The following GPC4 variants were observed in gnomAD, a reference collection of about 807,000 sequenced individuals.
GPC4 encodes the protein glypican 4.
In GPC4, 10 loss-of-function variants were observed where a neutral mutation model predicts 35.0. The ratio of observed to expected loss-of-function variants is 0.29; its 90% CI spans 0.18 to 0.48. The LOEUF is 0.48. GPC4 is among the 20% of genes least tolerant of loss of function. The pLI, the probability that GPC4 is intolerant of heterozygous loss-of-function variation, is 0.99. For synonymous variants in GPC4, 167 were observed against 170.2 expected, an observed-to-expected ratio of 0.98 and a Z score of 0.15; for missense variants, 322 against 451.3, an observed-to-expected ratio of 0.71 and a Z score of 2.60.
Position 133,311,260 on chromosome X carries a change from A to G in GPC4, c.875T>C (p.Ile292Thr). 1.7e-6 allele frequency: 2 copies of G among 1,210,680 alleles called. No individual in the cohort carries two copies. Among genetic ancestry groups the G allele is most frequent in the Non-Finnish European group, 2.2e-6 (2 of 894,780 alleles). The change falls in exon 4 of 9, where the codon ATA (isoleucine) becomes ACA (threonine). Residue 292 changes from isoleucine to threonine, a missense_variant and splice_region_variant. By Grantham distance (89) the Ile-to-Thr change is moderately conservative (BLOSUM62 -1). Around this residue, in one of 3 missense-constraint regions of GPC4, gnomAD observed 163 missense variants for 277.2 expected, o/e 0.59. Coordinates refer to ENST00000370828, the MANE Select transcript of GPC4 (RefSeq NM_001448.3). Reference sequence around the variant, plus strand: ...AAATATGTTAACCACTTGCTCACCTATGAAATTGTTCCATTCAAAATCGAG... The same window carrying G: ...AAATATGTTAACCACTTGCTCACCTGTGAAATTGTTCCATTCAAAATCGAG... ...GDLDFEWNNF[I>T]DAMLMVAERL... is the part of the protein sequence containing the mutation.
rs1311427725 is a variant in GPC4, at chrX:133,339,172, G to T, written c.319+11C>A. 8.3e-7 allele frequency: 1 copy of T among 1,209,879 alleles called. No individual in the cohort carries two copies. The highest frequency in any genetic ancestry group is 2.2e-5 in the Admixed American group (1 of 45,992). The stretch of plus-strand genomic sequence containing the variant: ...AACTGCCGGTTCTTACATATGACTT[G>T]AATAACATACCATCAAACTTCTTGT... On this transcript the variant is annotated intron_variant, in intron 2 of 8. Transcript: ENST00000370828.
chrX:133,398,771 GAAA>G (rs902350182), intron 1 of GPC4, among the ~76,000 whole-genome samples: 10 of 79,264 alleles, frequency 1.3e-4, no homozygotes, highest in African/African-American at 4.6e-4. Context: ...CTGTCTCAGA[GAAA>G]AAAAAAAAAA....
chrX:133,346,946 A>C (rs2068493766), intron 1 of GPC4, among the ~76,000 whole-genome samples: 1 of 111,488 alleles, frequency 9.0e-6, no homozygotes, highest in Non-Finnish European at 1.9e-5. Context: ...GGGTGATGAA[A>C]AATTGATTTT....
chrX:133,355,634 CAAG>C (rs1009379513), intron 1 of GPC4, among the ~76,000 whole-genome samples: 41 of 111,742 alleles, frequency 3.7e-4, no homozygotes, highest in African/African-American at 1.3e-3. Context: ...CAACTTAGAA[CAAG>C]AAGGGTCAAT....
intron 1 of GPC4, among the ~76,000 whole-genome samples, chrX:133,397,781 C>G (rs2068750567): frequency 2.7e-5 from 3 of 111,966 alleles, no homozygotes; most frequent in African/African-American, 9.7e-5. Flanking sequence ...TAGGCTGAGG[C>G]TGGGCACAGT....
intron 2 of GPC4, among the ~76,000 whole-genome samples, chrX:133,331,820 T>C (rs1221356948): frequency 1.8e-5 from 2 of 110,869 alleles, no homozygotes; most frequent in African/African-American, 3.3e-5. Flanking sequence ...TTTGCATGTA[T>C]GTATATGCAT....
At chrX:133,330,636 A>G (rs2068415240) in intron 2 of GPC4, among the ~76,000 whole-genome samples, 1 of 111,336 alleles carries the variant, frequency 9.0e-6, no homozygotes, top group Non-Finnish European at 1.9e-5. Context: ...TATGTTTATC[A>G]ATTGATAGCA....
In GPC4 at chrX:133,351,089, G is replaced by A. The variant is rs141550282; in HGVS notation, c.161-11748C>T. Among the ~76,000 whole-genome samples the A allele has an allele frequency of 6.8e-4, 77 of 112,539 alleles. No individual in the cohort carries two copies. In the East Asian group the frequency reaches 0.021, roughly 31 times the overall value. On this transcript the variant is annotated intron_variant, in intron 1 of 8. Transcript: ENST00000370828. The stretch of plus-strand genomic sequence containing the variant: ...CCTACAATTTATTACCATTTAATAG[G>A]CTCTTTGTTATTTAGAAAAGTTTTG...
chrX:133,308,896 C>A (rs891486496), intron 4 of GPC4, among the ~76,000 whole-genome samples: 6 of 109,830 alleles, frequency 5.5e-5, no homozygotes, highest in African/African-American at 2.0e-4. Context: ...CGACTTAACC[C>A]CAAGATCTGA....
At chrX:133,402,302 C>A (rs1368838002) in intron 1 of GPC4, among the ~76,000 whole-genome samples, 1 of 111,917 alleles carries the variant, frequency 8.9e-6, no homozygotes, top group Non-Finnish European at 1.9e-5. Context: ...ATTCTGGTGG[C>A]TTAATGCTTG....
chrX:133,320,562 T>G (rs1246613436), intron 3 of GPC4, among the ~76,000 whole-genome samples: 1 of 100,639 alleles, frequency 9.9e-6, no homozygotes, highest in Non-Finnish European at 2.0e-5. Flanking sequence ...AGATGGAGGT[T>G]GCAGTGAGTC....
chrX:133,355,811 C>A (rs1210983864), intron 1 of GPC4, among the ~76,000 whole-genome samples: 3 of 110,787 alleles, frequency 2.7e-5, no homozygotes, highest in Non-Finnish European at 5.7e-5. Context: ...CTCTGAGTTC[C>A]CATGAGACCT....
At position 133,360,850 on chromosome X, in the gene GPC4, T is replaced by C. The variant is rs191487061; in HGVS notation, c.161-21509A>G. 2.1e-3 allele frequency among the ~76,000 whole-genome samples: 233 copies of C among 112,023 alleles called. 2 individuals are homozygous for C. The highest frequency in any genetic ancestry group is 3.7e-3 in the Non-Finnish European group (197 of 53,209). ...CATACTTCAAAGAGCCCTAAGGACA[T>C]TGCTGCATTAGAGCATCATTTATTA... On this transcript the variant is annotated intron_variant, in intron 1 of 8. Transcript: ENST00000370828.
Position 133,339,137 on chromosome X carries a change from G to A in GPC4, c.319+46C>T, listed in dbSNP as rs776965703. The A allele has an allele frequency of 2.5e-5, 30 of 1,180,377 alleles. No individual in the cohort carries two copies. In the East Asian group the frequency reaches 8.3e-4, roughly 33 times the overall value. ...GCAGAGGAGCTGTGAAAAAGCTACA[G>A]TACAGACCTAACTGCCGGTTCTTAC... On this transcript the variant is annotated intron_variant, in intron 2 of 8. Transcript: ENST00000370828.
At chrX:133,333,527 C>A (rs1374477612) in intron 2 of GPC4, among the ~76,000 whole-genome samples, 1 of 112,997 alleles carries the variant, frequency 8.8e-6, no homozygotes, top group Non-Finnish European at 1.9e-5. Flanking sequence ...GATTTGATTA[C>A]AGTAAGCTGG....
chrX:133,388,621 G>A (rs772968100), intron 1 of GPC4, among the ~76,000 whole-genome samples: 1 of 106,196 alleles, frequency 9.4e-6, no homozygotes, highest in Non-Finnish European at 1.9e-5. Flanking sequence ...GGCAAGCTCC[G>A]CCTCTTGGGT....
At chrX:133,400,336 T>C (rs770023386) in intron 1 of GPC4, among the ~76,000 whole-genome samples, 1 of 112,558 alleles carries the variant, frequency 8.9e-6, no homozygotes, top group Admixed American at 9.4e-5. Flanking sequence ...GAAGGCCTTA[T>C]AGGCCCATAA....
intron 1 of GPC4, among the ~76,000 whole-genome samples, chrX:133,380,475 C>T (rs1603089240): frequency 9.1e-6 from 1 of 109,300 alleles, no homozygotes; most frequent in African/African-American, 3.3e-5. Flanking sequence ...CCCTCTGAAT[C>T]CAAAGCGTCT....
intron 1 of GPC4, among the ~76,000 whole-genome samples, chrX:133,367,344 T>C (rs2054673131): frequency 8.9e-6 from 1 of 112,391 alleles, no homozygotes. Flanking sequence ...ATATGTAACC[T>C]GCTTAGCCAG....
Sources: allele counts gnomAD v4.1 joint callset (sites outside exome capture counted in the v4.1 genomes callset), GRCh38; gene constraint gnomAD v4.1.1; regional missense constraint gnomAD v4.1.1; transcripts MANE v1.5; gene names NCBI Gene and HGNC (gene_info 2026-07-23, HGNC 2026-07-21).